ESRRB: variants seen among roughly 807,000 people sequenced by gnomAD.
ESRRB encodes the protein estrogen related receptor beta.
ESRRB carries 16 observed loss-of-function variants against 46.0 expected under a neutral mutation model. The ratio of observed to expected loss-of-function variants is 0.35; its 90% CI spans 0.24 to 0.53. The LOEUF is 0.53. ESRRB is among the 20% of genes least tolerant of loss of function. ESRRB has a pLI of 0.93. For missense variants in ESRRB, 488 were observed against 607.4 expected (o/e 0.80, Z 2.07); for synonymous variants, 246 against 259.6 (o/e 0.95, Z 0.50).
At chr14:76,409,443 A>AGG (rs1291319604) in intron 1 of ESRRB, among the ~76,000 whole-genome samples, 2 of 152,086 alleles carry the variant, frequency 1.3e-5, no homozygotes, top group African/African-American at 2.4e-5. Flanking sequence ...TCTCTCTTTG[A>AGG]GGGGAAGGAT....
chr14:76,365,075 C>T (rs762321912), intron 1 of ESRRB, among the ~76,000 whole-genome samples: 10 of 152,208 alleles, frequency 6.6e-5, no homozygotes, highest in African/African-American at 1.4e-4. Context: ...AATTACATCT[C>T]ATAGTTCGGG....
At position 76,499,733 on chromosome 14, in the gene ESRRB, C is replaced by T. The variant is rs1270899361; in HGVS notation, c.*1275C>T. 1.6e-5 allele frequency: 13 copies of T among 813,172 alleles called. No individual in the cohort carries two copies. Among genetic ancestry groups the T allele is most frequent in the African/African-American group, 1.5e-4 (9 of 59,798 alleles). The allele number at this position is 813,172 out of a possible 1,614,324, so 50.4% of individuals were successfully genotyped here. A position where few individuals can be genotyped will look rare whatever the true frequency, so the allele number is the denominator to read the frequency against. On this transcript the variant is annotated 3_prime_UTR_variant, in exon 7 of 7. Transcript: ENST00000644823. Reference sequence around the variant, plus strand: ...ACCAACCGTCTTGGTTTGTCCAGGACGTTTCTTTATCCCAGGAAACTCCTC... The same window carrying T: ...ACCAACCGTCTTGGTTTGTCCAGGATGTTTCTTTATCCCAGGAAACTCCTC...
intron 1 of ESRRB, among the ~76,000 whole-genome samples, chr14:76,397,398 C>T (rs1467532437): frequency 6.6e-6 from 1 of 152,180 alleles, no homozygotes; most frequent in Non-Finnish European, 1.5e-5. Context: ...CTCTGACTTT[C>T]CTTCTCTGCC....
Position 76,501,691 on chromosome 14 carries a change from A to T in ESRRB, c.*3233A>T, listed in dbSNP as rs1182873198. ...TCTTAAGATGTATATATTTTTTAAA[A>T]TGGCAGTTCCCCATTGCAGCATCAC... On this transcript the variant is annotated 3_prime_UTR_variant, in exon 7 of 7. Coordinates refer to ENST00000644823, the MANE Select transcript of ESRRB (RefSeq NM_001379180.1). 3 of 152,212 alleles carry T rather than the reference A, an allele frequency of 2.0e-5. No homozygotes were observed. Among genetic ancestry groups the T allele is most frequent in the African/African-American group, 7.2e-5 (3 of 41,448 alleles). 9.4% of individuals were successfully genotyped at this position (152,212 alleles called of 1,614,324 possible). A position where few individuals can be genotyped will look rare whatever the true frequency, so the allele number is the denominator to read the frequency against.
At chr14:76,421,979 T>C (rs1886975899) in intron 1 of ESRRB, among the ~76,000 whole-genome samples, 1 of 152,170 alleles carries the variant, frequency 6.6e-6, no homozygotes, top group Non-Finnish European at 1.5e-5. Context: ...AATAACATTT[T>C]GATCGAGCCA....
chr14:76,329,687 G>A (rs1250484693), intron 1 of ESRRB, among the ~76,000 whole-genome samples: 1 of 152,092 alleles, frequency 6.6e-6, no homozygotes, highest in African/African-American at 2.4e-5. Flanking sequence ...ACAGACCCGG[G>A]CGCACACTCA....
intron 3 of ESRRB, among the ~76,000 whole-genome samples, chr14:76,467,695 G>C (rs1566602409): frequency 6.6e-6 from 1 of 151,994 alleles, no homozygotes; most frequent in Non-Finnish European, 1.5e-5. Flanking sequence ...GTGGGTTCTA[G>C]AATCAGGATG....
intron 1 of ESRRB, among the ~76,000 whole-genome samples, chr14:76,403,030 A>G (rs1189000442): frequency 6.6e-6 from 1 of 152,092 alleles, no homozygotes; most frequent in Non-Finnish European, 1.5e-5. Flanking sequence ...GGCTCAAGCA[A>G]TCTTCCTGCC....
intron 1 of ESRRB, among the ~76,000 whole-genome samples, chr14:76,362,884 T>C (rs1884480348): frequency 6.6e-6 from 1 of 152,206 alleles, no homozygotes; most frequent in African/African-American, 2.4e-5. Context: ...GAATGACTAC[T>C]CAGGGCTCTT....
chr14:76,428,578 G>A (rs1887299043), intron 1 of ESRRB, among the ~76,000 whole-genome samples: 1 of 152,138 alleles, frequency 6.6e-6, no homozygotes, highest in Admixed American at 6.5e-5. Context: ...TTGACTGAGA[G>A]GACCCAAGGG....
rs375712901 is a variant in ESRRB, at chr14:76,462,530, T to C, written c.461-15T>C. 1.6e-5 allele frequency: 26 copies of C among 1,605,666 alleles called. No individual in the cohort carries two copies. The African/African-American group carries it at 2.8e-4, about 17-fold the overall frequency. The stretch of plus-strand genomic sequence containing the variant: ...GCGGCCAGCACCCGGCAACCCTCTC[T>C]GTGTCTGGTTGCAGGGAACATTGAG... On this transcript the variant is annotated splice_polypyrimidine_tract_variant and intron_variant, in intron 2 of 6. Coordinates refer to ENST00000644823, the MANE Select transcript of ESRRB (RefSeq NM_001379180.1).
chr14:76,468,468 C>A (rs1889221990), intron 3 of ESRRB, among the ~76,000 whole-genome samples: 1 of 148,642 alleles, frequency 6.7e-6, no homozygotes, highest in Admixed American at 6.8e-5. Context: ...TCCCAGGCAC[C>A]CTGAAGCCTT....
At chr14:76,380,389 C>A (rs1884961404) in intron 1 of ESRRB, among the ~76,000 whole-genome samples, 1 of 152,126 alleles carries the variant, frequency 6.6e-6, no homozygotes, top group Admixed American at 6.5e-5. Context: ...ATGCTTTTGG[C>A]CTGACTCTGC....
chr14:76,415,960 G>T (rs966924650), intron 1 of ESRRB, among the ~76,000 whole-genome samples: 7 of 152,180 alleles, frequency 4.6e-5, no homozygotes, highest in Non-Finnish European at 1.0e-4. Flanking sequence ...GACTTTGAAT[G>T]ATGTCAAACC....
At chr14:76,358,990 T>C (rs796230402) in intron 1 of ESRRB, among the ~76,000 whole-genome samples, 7 of 152,352 alleles carry the variant, frequency 4.6e-5, no homozygotes, top group African/African-American at 1.7e-4. Context: ...TCCCAGGTGA[T>C]ACTGGCGCTG....
chr14:76,402,584 G>A (rs895736844), intron 1 of ESRRB, among the ~76,000 whole-genome samples: 6 of 152,200 alleles, frequency 3.9e-5, no homozygotes, highest in South Asian at 2.1e-4. Context: ...GCAAGAAAGC[G>A]GTCTGTCCAT....
chr14:76,341,462 C>G (rs1200784385), intron 1 of ESRRB, among the ~76,000 whole-genome samples: 1 of 152,244 alleles, frequency 6.6e-6, no homozygotes, highest in Non-Finnish European at 1.5e-5. Context: ...TCTCCTGCCT[C>G]CCTCAGAACT....
intron 1 of ESRRB, among the ~76,000 whole-genome samples, chr14:76,379,534 G>A (rs1884920180): frequency 1.3e-5 from 2 of 152,214 alleles, no homozygotes; most frequent in African/African-American, 4.8e-5. Context: ...AAATCAGAGT[G>A]AGGACATCAG....
intron 1 of ESRRB, among the ~76,000 whole-genome samples, chr14:76,382,966 C>T (rs2139803982): frequency 6.6e-6 from 1 of 152,226 alleles, no homozygotes; most frequent in South Asian, 2.1e-4. Context: ...TATTATATTT[C>T]TCAATGTCAT....
Sources: gnomAD v4.1 joint callset for allele counts (sites outside exome capture counted in the v4.1 genomes callset) on GRCh38, gnomAD v4.1.1 for gene constraint, MANE v1.5 for transcripts, NCBI Gene and HGNC (gene_info 2026-07-23, HGNC 2026-07-21) for gene names.